STXBP5L: variants seen among roughly 807,000 people sequenced by gnomAD.
STXBP5L encodes the protein syntaxin binding protein 5L, also known as syntaxin-binding protein 5-like.
In STXBP5L, 65 loss-of-function variants were observed where a neutral mutation model predicts 144.5. The ratio of observed to expected loss-of-function variants is 0.45; its 90% CI spans 0.37 to 0.55. The LOEUF is 0.55. Among genes scored for constraint, STXBP5L ranks in the 20% least tolerant of loss-of-function variants. The pLI is 0.00. For synonymous variants in STXBP5L, 505 were observed against 469.6 expected (o/e 1.08, Z -0.97); for missense variants, 1,298 against 1,405.5 (o/e 0.92, Z 1.22).
intron 20 of STXBP5L, among the ~76,000 whole-genome samples, chr3:121,343,323 G>C (rs1021016692): frequency 2.6e-5 from 4 of 151,732 alleles, no homozygotes; most frequent in Non-Finnish European, 5.9e-5. Context: ...AGTTTCTTTT[G>C]CTGTGCAGAA....
At chr3:121,062,617 T>A (rs1433125645) in intron 5 of STXBP5L, among the ~76,000 whole-genome samples, 1 of 152,234 alleles carries the variant, frequency 6.6e-6, no homozygotes, top group Non-Finnish European at 1.5e-5. Context: ...AACTTTCTTC[T>A]GTTCTCCCCA....
intron 20 of STXBP5L, among the ~76,000 whole-genome samples, chr3:121,355,704 A>G (rs1450355481): frequency 6.6e-6 from 1 of 152,156 alleles, no homozygotes; most frequent in Non-Finnish European, 1.5e-5. Context: ...CGTTAAAGTC[A>G]TTCTCCATCC....
intron 14 of STXBP5L, among the ~76,000 whole-genome samples, chr3:121,242,557 A>G (rs1052406509): frequency 5.3e-5 from 8 of 152,178 alleles, no homozygotes; most frequent in African/African-American, 1.9e-4. Flanking sequence ...TGGAAGCACT[A>G]TAATAATTCA....
intron 9 of STXBP5L, among the ~76,000 whole-genome samples, chr3:121,167,984 A>G (rs964879771): frequency 6.6e-6 from 1 of 152,162 alleles, no homozygotes; most frequent in Non-Finnish European, 1.5e-5. Context: ...CAGAGGAAGG[A>G]CCAGGCAGCA....
chr3:121,129,886 T>G (rs2044893771), intron 7 of STXBP5L, among the ~76,000 whole-genome samples: 1 of 152,016 alleles, frequency 6.6e-6, no homozygotes, highest in Non-Finnish European at 1.5e-5. Flanking sequence ...GTACCAGATA[T>G]GAAGATTTTG....
At chr3:120,923,879 ATG>A (rs1364630764) in intron 2 of STXBP5L, among the ~76,000 whole-genome samples, 1 of 151,978 alleles carries the variant, frequency 6.6e-6, no homozygotes, top group African/African-American at 2.4e-5. Flanking sequence ...GTTTACAGTG[ATG>A]TTTGTTGACT....
chr3:120,995,564 A>G (rs1226393391), intron 3 of STXBP5L, among the ~76,000 whole-genome samples: 1 of 151,914 alleles, frequency 6.6e-6, no homozygotes, highest in Non-Finnish European at 1.5e-5. Flanking sequence ...ATTGCTTTGT[A>G]GAATTTTCTT....
chr3:121,300,473 A>G lies in STXBP5L; in HGVS notation c.2111-18002A>G, dbSNP rs2051845402. Among the ~76,000 whole-genome samples, 3 of 152,296 alleles carry G rather than the reference A, an allele frequency of 2.0e-5. 1 individual carries two copies. The East Asian group carries it at 5.8e-4, about 29-fold the overall frequency. The stretch of plus-strand genomic sequence containing the variant: ...ATAACATGTAGAAGTAAAATGTATG[A>G]TAACAGTAACACAAAGTATTGAAGA... On this transcript the variant is annotated intron_variant, in intron 19 of 26. Transcript: ENST00000471454.
At chr3:121,329,715 G>T (rs981131093) in intron 20 of STXBP5L, among the ~76,000 whole-genome samples, 5 of 152,056 alleles carry the variant, frequency 3.3e-5, no homozygotes, top group African/African-American at 1.2e-4. Context: ...ACAAAAATTA[G>T]CCAGGCATGG....
chr3:120,930,707 C>T (rs1310589457), intron 2 of STXBP5L, among the ~76,000 whole-genome samples: 2 of 152,110 alleles, frequency 1.3e-5, no homozygotes, highest in Non-Finnish European at 2.9e-5. Flanking sequence ...AACAGCCCGT[C>T]GGTTGCACCA....
chr3:121,049,662 A>T (rs1947799066), intron 5 of STXBP5L: 1 of 154,028 alleles, frequency 6.5e-6, no homozygotes, highest in Non-Finnish European at 1.5e-5. Context: ...TTATCCTGCA[A>T]GGTGCTGCAG....
intron 18 of STXBP5L, among the ~76,000 whole-genome samples, chr3:121,277,609 GAT>G (rs1033115538): frequency 1.3e-5 from 2 of 151,092 alleles, no homozygotes; most frequent in African/African-American, 4.9e-5. Context: ...TTCATTTCTG[GAT>G]ATGTTTCTAT....
At chr3:121,074,550 A>T (rs1413021992) in intron 5 of STXBP5L, among the ~76,000 whole-genome samples, 1 of 152,164 alleles carries the variant, frequency 6.6e-6, no homozygotes, top group African/African-American at 2.4e-5. Flanking sequence ...TTCCACCACT[A>T]CATGTGCCTG....
intron 20 of STXBP5L, among the ~76,000 whole-genome samples, chr3:121,333,717 A>T (rs763776690): frequency 6.6e-6 from 1 of 152,154 alleles, no homozygotes; most frequent in Non-Finnish European, 1.5e-5. Flanking sequence ...AAAGAAATAC[A>T]AGTAACCAGC....
At chr3:121,251,288 A>C (rs1008745238) in intron 15 of STXBP5L, among the ~76,000 whole-genome samples, 1 of 152,184 alleles carries the variant, frequency 6.6e-6, no homozygotes, top group Non-Finnish European at 1.5e-5. Context: ...ACTTCATTAT[A>C]CTCATATATA....
chr3:121,152,214 A>T (rs2045957558), intron 7 of STXBP5L, among the ~76,000 whole-genome samples: 1 of 151,818 alleles, frequency 6.6e-6, no homozygotes, highest in Non-Finnish European at 1.5e-5. Context: ...TCCAATTTTC[A>T]TACTTATTTT....
chr3:121,213,914 T>G (rs2048678407), intron 10 of STXBP5L, among the ~76,000 whole-genome samples: 1 of 152,122 alleles, frequency 6.6e-6, no homozygotes, highest in Admixed American at 6.5e-5. Flanking sequence ...GGGATTTGAG[T>G]TTTTCCTGGG....
At chr3:121,138,373 A>G (rs902207211) in intron 7 of STXBP5L, among the ~76,000 whole-genome samples, 22 of 152,264 alleles carry the variant, frequency 1.4e-4, no homozygotes, top group African/African-American at 4.8e-4. Flanking sequence ...CTATCAAAAT[A>G]CCAATACCAT....
intron 9 of STXBP5L, among the ~76,000 whole-genome samples, chr3:121,183,232 C>G (rs1056067458): frequency 2.6e-5 from 4 of 152,256 alleles, no homozygotes; most frequent in African/African-American, 9.6e-5. Context: ...AAAACTAGAA[C>G]AATACAAGGA....
Sources: allele counts gnomAD v4.1 joint callset (sites outside exome capture counted in the v4.1 genomes callset), GRCh38; gene constraint gnomAD v4.1.1; transcripts MANE v1.5; gene names NCBI Gene and HGNC (gene_info 2026-07-23, HGNC 2026-07-21).